MEI1: variants seen among roughly 807,000 people sequenced by gnomAD.
The protein encoded by MEI1 is meiosis inhibitor protein 1.
Under a neutral mutation model 146.2 loss-of-function variants are expected in MEI1, and 103 were observed. The ratio of observed to expected loss-of-function variants is 0.70; its 90% confidence interval spans 0.60 to 0.83. The LOEUF (loss-of-function observed/expected upper bound fraction) is 0.83, where lower values mean the gene tolerates loss of function less well. Ranked by LOEUF, MEI1 falls within the 40% of genes least tolerant of loss-of-function variation. The probability of loss-of-function intolerance (pLI) is 0.00; values close to 1 mark genes in which losing one functional copy is unlikely to be tolerated. For missense variants in MEI1, 1,529 were observed against 1,533.0 expected (o/e 1.00, Z 0.04); for synonymous variants, 652 against 628.2 (o/e 1.04, Z -0.57).
chr22:41,721,702 G>A (rs972603288), intron 6 of MEI1, among the ~76,000 whole-genome samples: 6 of 139,548 alleles, frequency 4.3e-5, no homozygotes, highest in African/African-American at 1.3e-4. Context: ...CAGAATTCCC[G>A]TTTTTAAATG....
At chr22:41,724,220 C>A in intron 7 of MEI1, 147 bp downstream of exon 7, 1 of 1,045,092 alleles carries the variant, frequency 9.6e-7, no homozygotes, top group Non-Finnish European at 1.4e-6. Context: ...GGGGCGGTGG[C>A]TCATGTCTGT....
chr22:41,743,552 A>T (rs2073051557), intron 12 of MEI1, among the ~76,000 whole-genome samples: 1 of 152,230 alleles, frequency 6.6e-6, no homozygotes, highest in East Asian at 1.9e-4. Flanking sequence ...TCACAAAATT[A>T]TTTAAGTCTG....
intron 18 of MEI1, 74 bp from the exon 19 acceptor site, chr22:41,763,100 C>A (rs1319112785): frequency 2.6e-6 from 4 of 1,534,978 alleles, no homozygotes; most frequent in Non-Finnish European, 3.5e-6. Context: ...AGGAAGGATG[C>A]GGCCAGGCAG....
intron 19 of MEI1, among the ~76,000 whole-genome samples, chr22:41,765,064 G>A (rs1323708824): frequency 6.6e-6 from 1 of 152,140 alleles, no homozygotes; most frequent in Non-Finnish European, 1.5e-5. Context: ...GAGTGCAATG[G>A]CGCCATCTTG....
chr22:41,778,582 C>G, intron 21 of MEI1, 126 bp from the exon 22 acceptor site: 1 of 660,492 alleles, frequency 1.5e-6, no homozygotes, highest in East Asian at 2.8e-5. Context: ...CAACAAAACA[C>G]CTCACCCCTT....
chr22:41,769,548 C>T (rs984479762), intron 19 of MEI1, among the ~76,000 whole-genome samples: 1 of 151,790 alleles, frequency 6.6e-6, no homozygotes, highest in African/African-American at 2.4e-5. Flanking sequence ...TCTTGGCTCA[C>T]CACAACCTCT....
chr22:41,793,107 A>T (rs1254469009), intron 26 of MEI1, among the ~76,000 whole-genome samples: 3 of 124,634 alleles, frequency 2.4e-5, no homozygotes, highest in Non-Finnish European at 4.7e-5. Context: ...GTGCAGTGGC[A>T]TGATCGTGGC....
At chr22:41,755,284 C>T (rs2074020084) in intron 17 of MEI1, among the ~76,000 whole-genome samples, 1 of 152,106 alleles carries the variant, frequency 6.6e-6, no homozygotes. Flanking sequence ...TCTTTTCCCC[C>T]TTATTATATT....
intron 7 of MEI1, among the ~76,000 whole-genome samples, chr22:41,726,139 G>A (rs1478251403): frequency 1.3e-5 from 2 of 152,120 alleles, no homozygotes; most frequent in Admixed American, 6.5e-5. Flanking sequence ...TTAGCCAGGC[G>A]TGGTGGCACA....
intron 22 of MEI1, among the ~76,000 whole-genome samples, chr22:41,780,568 ATT>A (rs1236225961): frequency 2.8e-5 from 4 of 142,636 alleles, no homozygotes; most frequent in Non-Finnish European, 6.0e-5. Context: ...TTTGAGCTGA[ATT>A]TTTTTCTTTT....
chr22:41,775,333 G>T (rs561329491), intron 20 of MEI1, among the ~76,000 whole-genome samples: 1 of 152,124 alleles, frequency 6.6e-6, no homozygotes, highest in Non-Finnish European at 1.5e-5. Flanking sequence ...TCCTCTGCCT[G>T]CCCAGTGACA....
chr22:41,770,889 C>G lies in MEI1; in HGVS notation c.2472C>G (p.Pro824=). 6.2e-7 allele frequency: 1 copy of G among 1,614,034 alleles called. No individual in the cohort carries two copies. The highest frequency in any genetic ancestry group is 8.5e-7 in the Non-Finnish European group (1 of 1,179,902). Reference sequence around the variant, plus strand: ...ATGATGTCACCTCTGCTGGGCAGCCCGCCCTTCCTGCCAGCTTAGTAGTCC... The same window carrying G: ...ATGATGTCACCTCTGCTGGGCAGCCGGCCCTTCCTGCCAGCTTAGTAGTCC... ...ELDDVTSAGQ[P]ALPASLVVLF... is the part of the protein sequence containing the mutation. The change falls in exon 20 of 31, where the codon CCC becomes CCG. Residue 824 remains proline, a synonymous_variant. Coordinates refer to ENST00000401548, the MANE Select transcript of MEI1 (RefSeq NM_152513.4).
At chr22:41,781,113 T>C (rs2075737209) in intron 22 of MEI1, among the ~76,000 whole-genome samples, 171 bp from the exon 23 acceptor site, 1 of 152,238 alleles carries the variant, frequency 6.6e-6, no homozygotes, top group African/African-American at 2.4e-5. Flanking sequence ...AGGGTGTGAA[T>C]GTGCCTTAAG....
chr22:41,792,484 C>T (rs1413436983), intron 26 of MEI1, among the ~76,000 whole-genome samples: 2 of 152,160 alleles, frequency 1.3e-5, no homozygotes, highest in Non-Finnish European at 2.9e-5. Context: ...AGCCTCTATT[C>T]CCCCAGGAAT....
intron 2 of MEI1, 49 bp downstream of exon 2, chr22:41,703,503 A>T: frequency 6.9e-7 from 1 of 1,450,818 alleles, no homozygotes; most frequent in Non-Finnish European, 9.1e-7. Flanking sequence ...TATAGTATGT[A>T]TATCTGCTTT....
chr22:41,750,941 G>A (rs890785210), intron 15 of MEI1, among the ~76,000 whole-genome samples: 2 of 152,100 alleles, frequency 1.3e-5, no homozygotes, highest in Non-Finnish European at 2.9e-5. Context: ...TAGTCTTGGG[G>A]CGCTGGATGG....
intron 19 of MEI1, among the ~76,000 whole-genome samples, chr22:41,770,175 C>G (rs1006458443): frequency 1.3e-5 from 2 of 151,904 alleles, no homozygotes; most frequent in African/African-American, 4.8e-5. Flanking sequence ...CTCCCCTTCA[C>G]CCCTTCTGTG....
intron 7 of MEI1, among the ~76,000 whole-genome samples, chr22:41,726,866 C>T (rs183274694): frequency 4.9e-4 from 75 of 152,002 alleles, no homozygotes; most frequent in Middle Eastern, 3.4e-3. Context: ...CTCCACCTCC[C>T]GGATTCATGC....
chr22:41,794,261 G>C (rs1172059475), intron 27 of MEI1, 110 bp from the exon 28 acceptor site: 4 of 904,380 alleles, frequency 4.4e-6, no homozygotes, highest in Non-Finnish European at 7.2e-6. Context: ...CTTGTTCAGT[G>C]CCCTGTCTCT....
Sources: allele counts gnomAD v4.1 joint callset (sites outside exome capture counted in the v4.1 genomes callset), GRCh38; gene constraint gnomAD v4.1.1; transcripts MANE v1.5; gene names NCBI Gene and HGNC (gene_info 2026-07-23, HGNC 2026-07-21).